MAD1L1: variants seen among roughly 807,000 people sequenced by gnomAD.
MAD1L1 encodes the protein mitotic spindle assembly checkpoint protein MAD1.
MAD1L1 carries 95 observed loss-of-function variants against 96.9 expected under a neutral mutation model. The ratio of observed to expected loss-of-function variants is 0.98; its 90% CI spans 0.83 to 1.16. MAD1L1 has a LOEUF of 1.16. Among genes scored for constraint, MAD1L1 ranks in the 50% most tolerant of loss-of-function variants. The pLI, the probability that MAD1L1 is intolerant of heterozygous loss-of-function variation, is 0.00. For synonymous variants in MAD1L1, 473 were observed against 396.6 expected (o/e 1.19, Z -2.29); for missense variants, 1,007 against 954.4 (o/e 1.06, Z -0.73).
At chr7:2,095,169 A>G (rs1786419846) in intron 11 of MAD1L1, among the ~76,000 whole-genome samples, 2 of 151,966 alleles carry the variant, frequency 1.3e-5, no homozygotes, top group South Asian at 4.2e-4. Context: ...CAGCCTCCCA[A>G]GTAGCTGGGA....
Position 2,228,641 on chromosome 7 carries a change from T to C in MAD1L1, c.150+1343A>G, listed in dbSNP as rs150309185. 5.5e-3 allele frequency among the ~76,000 whole-genome samples: 581 copies of C among 105,920 alleles called. 2 individuals are homozygous for C. The highest frequency in any genetic ancestry group is 0.025 in the African/African-American group (558 of 22,604). The allele number at this position is 105,920 out of a possible 152,430, so 69.5% of individuals were successfully genotyped here. A position where few individuals can be genotyped will look rare whatever the true frequency, so the allele number is the denominator to read the frequency against. On this transcript the variant is annotated intron_variant, in intron 3 of 18. Coordinates refer to ENST00000265854, the MANE Select transcript of MAD1L1 (RefSeq NM_001013836.2). Reference sequence around the variant, plus strand: ...TTTCACAAAAGAACATTTACATAAATATTATATATATACACACACACATAT... The same window carrying C: ...TTTCACAAAAGAACATTTACATAAACATTATATATATACACACACACATAT...
At chr7:2,067,069 T>A (rs1175220288) in intron 12 of MAD1L1, among the ~76,000 whole-genome samples, 1 of 152,148 alleles carries the variant, frequency 6.6e-6, no homozygotes, top group Admixed American at 6.6e-5. Flanking sequence ...CTGGCCGGTG[T>A]GGGCCGATGT....
chr7:2,200,233 T>C, intron 10 of MAD1L1: 1 of 152,144 alleles, frequency 6.6e-6, no homozygotes, highest in Middle Eastern at 2.7e-3. Flanking sequence ...CCTGCCACCC[T>C]GGAATGCAGG....
intron 17 of MAD1L1, among the ~76,000 whole-genome samples, chr7:1,920,366 G>C (rs1274716973): frequency 6.6e-6 from 1 of 152,260 alleles, no homozygotes; most frequent in African/African-American, 2.4e-5. Context: ...CAGTGTGTGG[G>C]AGGAGCAGGG....
intron 18 of MAD1L1, among the ~76,000 whole-genome samples, chr7:1,873,638 C>T (rs944499221): frequency 3.3e-5 from 5 of 152,044 alleles, no homozygotes; most frequent in African/African-American, 1.2e-4. Context: ...GCAGGGGACA[C>T]ACCAGCTGCC....
chr7:1,883,731 G>A (rs1234193805), intron 18 of MAD1L1, among the ~76,000 whole-genome samples: 1 of 152,222 alleles, frequency 6.6e-6, no homozygotes, highest in Non-Finnish European at 1.5e-5. Context: ...TGCAGGTCCA[G>A]GCTCAGAGGG....
intron 18 of MAD1L1, among the ~76,000 whole-genome samples, chr7:1,896,909 A>G (rs1786910955): frequency 6.6e-6 from 1 of 152,278 alleles, no homozygotes; most frequent in South Asian, 2.1e-4. Context: ...CGTATAATGC[A>G]TTAAACACCT....
intron 11 of MAD1L1, among the ~76,000 whole-genome samples, chr7:2,099,126 G>A (rs3800901): frequency 0.28 from 42,796 of 152,064 alleles, 6,136 homozygotes; most frequent in South Asian, 0.35. Flanking sequence ...GCTCCTAAGC[G>A]CAGTGGTAGC....
chr7:1,951,776 CCTT>C (rs1446955556), intron 16 of MAD1L1, among the ~76,000 whole-genome samples: 3 of 152,282 alleles, frequency 2.0e-5, no homozygotes, highest in African/African-American at 4.8e-5. Flanking sequence ...CGCGCCTCCT[CCTT>C]GAGGCTGTAT....
At position 2,136,276 on chromosome 7, in the gene MAD1L1, G is replaced by A. The variant is rs143829366; in HGVS notation, c.1073+12876C>T. ...AAGCATCGCCCTGATGAGAGGCAACGTGGTGAGAGGGCACAGGCTTAGGAG... is the reference window on the plus strand; with the variant it reads ...AAGCATCGCCCTGATGAGAGGCAACATGGTGAGAGGGCACAGGCTTAGGAG... On this transcript the variant is annotated intron_variant, in intron 11 of 18. Coordinates refer to ENST00000265854, the MANE Select transcript of MAD1L1 (RefSeq NM_001013836.2). Among the ~76,000 whole-genome samples, 810 of 152,324 alleles carry A rather than the reference G, an allele frequency of 5.3e-3. 12 individuals carry two copies. The highest frequency in any genetic ancestry group is 0.018 in the African/African-American group (765 of 41,566).
At chr7:1,864,754 G>A (rs967918254) in intron 18 of MAD1L1, among the ~76,000 whole-genome samples, 2 of 152,148 alleles carry the variant, frequency 1.3e-5, no homozygotes, top group Non-Finnish European at 2.9e-5. Context: ...CCTCCCTGGG[G>A]TGAGGGGGTT....
chr7:2,047,326 G>A (rs745489969), intron 12 of MAD1L1, among the ~76,000 whole-genome samples: 4 of 152,222 alleles, frequency 2.6e-5, no homozygotes, highest in African/African-American at 7.2e-5. Flanking sequence ...AGACCGTGCC[G>A]ATGATTGCTT....
At chr7:2,055,798 G>GCAAAACCC (rs777619622) in intron 12 of MAD1L1, among the ~76,000 whole-genome samples, 1 of 151,762 alleles carries the variant, frequency 6.6e-6, no homozygotes, top group Non-Finnish European at 1.5e-5. Context: ...GACCAATATG[G>GCAAAACCC]CAAAACCCCG....
intron 10 of MAD1L1, among the ~76,000 whole-genome samples, chr7:2,195,671 G>C (rs931436733): frequency 1.4e-4 from 21 of 152,342 alleles, no homozygotes; most frequent in Admixed American, 5.2e-4. Flanking sequence ...CCGCGAACAA[G>C]ATAGTATTGT....
At chr7:2,070,517 A>G (rs1294741012) in intron 11 of MAD1L1, among the ~76,000 whole-genome samples, 4 of 152,214 alleles carry the variant, frequency 2.6e-5, no homozygotes, top group Non-Finnish European at 5.9e-5. Flanking sequence ...CACAGCCAGG[A>G]AAGAAGAGAG....
chr7:2,146,167 G>A lies in MAD1L1; in HGVS notation c.1073+2985C>T, dbSNP rs571792159. 6.6e-5 allele frequency among the ~76,000 whole-genome samples: 10 copies of A among 152,256 alleles called. No individual in the cohort carries two copies. The highest frequency in any genetic ancestry group is 3.4e-3 in the Middle Eastern group (1 of 294). On this transcript the variant is annotated intron_variant, in intron 11 of 18. Transcript: ENST00000265854. This position sits in a 1 kb window ranked among gnomAD's most constrained non-coding sequence, Gnocchi z 6.2. ...GACCCAGCCGTCACTTCAGAAGCTCGGCCTGAGGCACAAGCATTCCGAGAT... is the reference window on the plus strand; with the variant it reads ...GACCCAGCCGTCACTTCAGAAGCTCAGCCTGAGGCACAAGCATTCCGAGAT...
intron 17 of MAD1L1, among the ~76,000 whole-genome samples, chr7:1,931,420 A>G (rs2128461182): frequency 6.6e-6 from 1 of 152,312 alleles, no homozygotes; most frequent in Middle Eastern, 3.4e-3. Flanking sequence ...CATGCACATG[A>G]GTTAAGAGCC....
intron 10 of MAD1L1, among the ~76,000 whole-genome samples, chr7:2,206,220 C>T (rs1792590005): frequency 6.6e-6 from 1 of 152,206 alleles, no homozygotes; most frequent in African/African-American, 2.4e-5. Context: ...GTAAGAGTTC[C>T]TTCTCTATCC....
intron 17 of MAD1L1, among the ~76,000 whole-genome samples, chr7:1,935,636 C>T (rs759637621): frequency 6.6e-5 from 10 of 152,338 alleles, no homozygotes; most frequent in African/African-American, 1.4e-4. Flanking sequence ...CTGTGGGAAG[C>T]GGACAAGTCA....
Sources: allele counts gnomAD v4.1 joint callset (sites outside exome capture counted in the v4.1 genomes callset), GRCh38; gene constraint gnomAD v4.1.1; non-coding constraint Gnocchi (gnomAD v3.1); transcripts MANE v1.5; gene names NCBI Gene and HGNC (gene_info 2026-07-23, HGNC 2026-07-21).